RAB38: variants seen among roughly 807,000 people sequenced by gnomAD.
RAB38 encodes the protein ras-related protein Rab-38.
A neutral mutation model predicts 18.4 loss-of-function variants in RAB38; 15 were observed. That is an observed-to-expected ratio of 0.82 (90% CI 0.55 to 1.26). The LOEUF is 1.26. Among genes scored for constraint, RAB38 ranks in the 50% most tolerant of loss-of-function variants. RAB38 has a pLI of 0.00. For synonymous variants in RAB38, 101 were observed against 104.4 expected, an observed-to-expected ratio of 0.97 and a Z score of 0.20; for missense variants, 294 against 267.4, an observed-to-expected ratio of 1.10 and a Z score of -0.69.
the RAB38 span, among the ~76,000 whole-genome samples, chr11:87,860,713 AT>A: frequency 6.6e-6 from 1 of 152,074 alleles, no homozygotes; most frequent in Admixed American, 6.6e-5. Flanking sequence ...AAAACTTCAA[AT>A]TGTTTTGATA....
At chr11:88,088,325 G>T in the RAB38 span, among the ~76,000 whole-genome samples, 1 of 151,906 alleles carries the variant, frequency 6.6e-6, no homozygotes, top group African/African-American at 2.4e-5. Context: ...AGGTTGTGGT[G>T]TCCTTCTTTT....
chr11:88,029,469 G>A, the RAB38 span, among the ~76,000 whole-genome samples: 9 of 152,126 alleles, frequency 5.9e-5, no homozygotes, highest in Middle Eastern at 3.4e-3. Flanking sequence ...ATCAGTGTGC[G>A]GTATTCAGGA....
intron 2 of RAB38, among the ~76,000 whole-genome samples, chr11:88,129,644 AAAACAAACAAAC>A (rs373805516): frequency 1.3e-5 from 2 of 152,042 alleles, no homozygotes; most frequent in African/African-American, 2.4e-5. Flanking sequence ...ACTCCATCTC[AAAACAAACAAAC>A]AAACAAACAA....
At chr11:88,115,253 A>AATGTG (rs1400805132) in intron 2 of RAB38, among the ~76,000 whole-genome samples, 1 of 152,142 alleles carries the variant, frequency 6.6e-6, no homozygotes, top group East Asian at 1.9e-4. Flanking sequence ...CTTCATACTT[A>AATGTG]AAGAGACAAG....
At chr11:87,945,777 T>A in the RAB38 span, among the ~76,000 whole-genome samples, 2 of 152,076 alleles carry the variant, frequency 1.3e-5, no homozygotes, top group African/African-American at 4.8e-5. Flanking sequence ...TAAACCAAAT[T>A]TTGTGCTCGT....
At chr11:88,147,165 A>C (rs968924902) in intron 2 of RAB38, among the ~76,000 whole-genome samples, 6 of 152,078 alleles carry the variant, frequency 3.9e-5, no homozygotes, top group African/African-American at 1.4e-4. Flanking sequence ...TAAGTATCAC[A>C]CATCATATAT....
the RAB38 span, among the ~76,000 whole-genome samples, chr11:88,039,510 G>A: frequency 5.3e-5 from 8 of 152,150 alleles, no homozygotes; most frequent in African/African-American, 1.9e-4. Flanking sequence ...GCAGAAAAGT[G>A]TGCACAGGGA....
chr11:88,082,157 A>G, the RAB38 span, among the ~76,000 whole-genome samples: 1 of 151,870 alleles, frequency 6.6e-6, no homozygotes, highest in Non-Finnish European at 1.5e-5. Context: ...AAAATGATCA[A>G]TAATAGAATT....
intron 2 of RAB38, among the ~76,000 whole-genome samples, chr11:88,126,812 T>A (rs904826375): frequency 6.6e-6 from 1 of 152,174 alleles, no homozygotes; most frequent in Non-Finnish European, 1.5e-5. Context: ...TTACGTATAA[T>A]CTGTGATGAA....
the RAB38 span, among the ~76,000 whole-genome samples, chr11:87,881,819 A>G: frequency 6.6e-6 from 1 of 151,864 alleles, no homozygotes; most frequent in Non-Finnish European, 1.5e-5. Context: ...TCCTGCTAAA[A>G]GCACAACAGA....
At chr11:87,956,942 G>A in the RAB38 span, among the ~76,000 whole-genome samples, 1 of 150,522 alleles carries the variant, frequency 6.6e-6, no homozygotes, top group East Asian at 2.0e-4. Flanking sequence ...CTACAGGACT[G>A]TCCATTCCTC....
the RAB38 span, among the ~76,000 whole-genome samples, chr11:87,955,038 G>A: frequency 6.6e-6 from 1 of 152,204 alleles, no homozygotes. Flanking sequence ...TGCAAAAGGA[G>A]CACAGCAGAA....
At chr11:88,085,335 A>G in the RAB38 span, among the ~76,000 whole-genome samples, 2 of 151,916 alleles carry the variant, frequency 1.3e-5, 1 homozygote, top group South Asian at 4.1e-4. Context: ...CCAAGGCAAA[A>G]TTGGGTAAAA....
the RAB38 span, among the ~76,000 whole-genome samples, chr11:88,038,946 GGTT>G: frequency 2.6e-5 from 4 of 152,124 alleles, no homozygotes; most frequent in Admixed American, 6.5e-5. Flanking sequence ...TATGCTTTGT[GGTT>G]GTTAAGATGA....
At chr11:87,813,346 A>G in the RAB38 span, among the ~76,000 whole-genome samples, 6,822 of 152,286 alleles carry the variant, frequency 0.045, 295 homozygotes, top group Admixed American at 0.14. Flanking sequence ...GGCGAAATCA[A>G]TTGGGCATGT....
chr11:87,961,911 G>A, the RAB38 span, among the ~76,000 whole-genome samples: 1 of 152,108 alleles, frequency 6.6e-6, no homozygotes, highest in African/African-American at 2.4e-5. Flanking sequence ...TGCAAAATGA[G>A]ACACTGAGGA....
the RAB38 span, among the ~76,000 whole-genome samples, chr11:87,977,703 ATAT>A: frequency 8.3e-4 from 91 of 109,866 alleles, no homozygotes; most frequent in African/African-American, 3.0e-3. Flanking sequence ...ATATAGGGAT[ATAT>A]TATATATTTA....
At chr11:87,941,222 T>G in the RAB38 span, among the ~76,000 whole-genome samples, 27 of 111,336 alleles carry the variant, frequency 2.4e-4, 1 homozygote, top group African/African-American at 8.6e-4. Flanking sequence ...GAGATATATA[T>G]ATATATATAT....
chr11:87,955,411 A>C, the RAB38 span, among the ~76,000 whole-genome samples: 1 of 152,132 alleles, frequency 6.6e-6, no homozygotes, highest in Non-Finnish European at 1.5e-5. Context: ...TACCATGCTC[A>C]CTACTAGGGT....
Sources: allele counts gnomAD v4.1 joint callset (sites outside exome capture counted in the v4.1 genomes callset), GRCh38; gene constraint gnomAD v4.1.1; transcripts MANE v1.5; gene names NCBI Gene and HGNC (gene_info 2026-07-23, HGNC 2026-07-21).